Variants in MDGA2 observed in about 807,000 individuals in gnomAD.
MDGA2 encodes the protein MAM domain-containing glycosylphosphatidylinositol anchor protein 2.
MDGA2 carries 40 observed loss-of-function variants against 117.8 expected under a neutral mutation model. The ratio of observed to expected loss-of-function variants is 0.34; its 90% CI spans 0.26 to 0.44. MDGA2 has a LOEUF of 0.44. Among genes scored for constraint, MDGA2 ranks in the 20% least tolerant of loss-of-function variants. The pLI is 1.00. For missense variants in MDGA2, 1,123 were observed against 1,250.6 expected, an observed-to-expected ratio of 0.90 and a Z score of 1.54; for synonymous variants, 452 against 439.0, an observed-to-expected ratio of 1.03 and a Z score of -0.37.
intron 6 of MDGA2, among the ~76,000 whole-genome samples, chr14:47,083,124 T>C (rs1594601734): frequency 1.3e-5 from 2 of 151,672 alleles, no homozygotes; most frequent in East Asian, 3.9e-4. Flanking sequence ...ATTAAATTAA[T>C]GAAAGAGACA....
intron 1 of MDGA2, among the ~76,000 whole-genome samples, chr14:47,665,164 C>A (rs1594970937): frequency 1.5e-5 from 2 of 136,614 alleles, no homozygotes; most frequent in African/African-American, 5.6e-5. Context: ...CCTTCTTTAT[C>A]TATATTATGC....
intron 2 of MDGA2, among the ~76,000 whole-genome samples, chr14:47,268,401 A>G (rs1888036458): frequency 6.6e-6 from 1 of 152,132 alleles, no homozygotes; most frequent in Admixed American, 6.6e-5. Flanking sequence ...ATACAGGCAA[A>G]TTCATTATAA....
chr14:47,357,208 G>T lies in MDGA2; in HGVS notation c.281-55658C>A, dbSNP rs866398902. Among the ~76,000 whole-genome samples, 4 of 152,236 alleles carry T rather than the reference G, an allele frequency of 2.6e-5. No homozygotes were observed. In the South Asian group the frequency reaches 8.3e-4, roughly 32 times the overall value. ...CCTACAGGGGCTCATCTGGATAATA[G>T]TCCATAACGAAACCAACCACTATAA... On this transcript the variant is annotated intron_variant, in intron 1 of 16. Transcript: ENST00000399232.
At chr14:47,186,275 T>A (rs890657151) in intron 3 of MDGA2, among the ~76,000 whole-genome samples, 1 of 151,750 alleles carries the variant, frequency 6.6e-6, no homozygotes, top group East Asian at 1.9e-4. Context: ...ATGCAATGAT[T>A]ACATAAAGAT....
In MDGA2 at chr14:47,649,685, A is replaced by AAAAACAAAAC. The variant is rs56177749; in HGVS notation, c.280+24822_280+24831dup. Among the ~76,000 whole-genome samples, 1,132 of 150,380 alleles carry AAAAACAAAAC rather than the reference A, an allele frequency of 7.5e-3. 11 individuals are homozygous for AAAAACAAAAC. The highest frequency in any genetic ancestry group is 0.023 in the African/African-American group (954 of 40,804). On this transcript the variant is annotated intron_variant, in intron 1 of 16. Transcript: ENST00000399232. ...GGGCAACAGAGTGAGGCTTCATCTC[A>AAAAACAAAAC]AAAACAAAACAAAACAAAACAAAAC...
At chr14:46,973,216 C>A (rs1313084178) in intron 8 of MDGA2, among the ~76,000 whole-genome samples, 3 of 152,028 alleles carry the variant, frequency 2.0e-5, no homozygotes. Context: ...CAGTTTCTTA[C>A]AAAAGTATAC....
intron 3 of MDGA2, among the ~76,000 whole-genome samples, chr14:47,212,528 T>A (rs938247610): frequency 6.6e-6 from 1 of 152,172 alleles, no homozygotes; most frequent in Non-Finnish European, 1.5e-5. Context: ...TTCTAATGCA[T>A]CTCCTCTTAA....
intron 3 of MDGA2, among the ~76,000 whole-genome samples, chr14:47,189,009 C>G (rs1885012434): frequency 6.6e-6 from 1 of 152,154 alleles, no homozygotes; most frequent in Admixed American, 6.6e-5. Context: ...GTATAATACT[C>G]TAAGCAGTCC....
intron 1 of MDGA2, among the ~76,000 whole-genome samples, chr14:47,531,703 G>T (rs1895105558): frequency 6.6e-6 from 1 of 152,130 alleles, no homozygotes; most frequent in Non-Finnish European, 1.5e-5. Flanking sequence ...TTAAACCCAA[G>T]ACATGTTGAT....
At chr14:47,116,595 G>C (rs181422995) in intron 5 of MDGA2, among the ~76,000 whole-genome samples, 1 of 151,958 alleles carries the variant, frequency 6.6e-6, no homozygotes, top group Admixed American at 6.5e-5. Flanking sequence ...AGAGAGCCCA[G>C]AAACAAATCC....
chr14:47,656,769 C>G (rs922132262), intron 1 of MDGA2, among the ~76,000 whole-genome samples: 7 of 152,076 alleles, frequency 4.6e-5, no homozygotes, highest in African/African-American at 1.7e-4. Context: ...TTTAAAAAGG[C>G]CACAACAATT....
rs928843205 is a variant in MDGA2 at position 47,168,342 on chromosome 14, T to A, written c.596-24068A>T. Among the ~76,000 whole-genome samples the A allele has an allele frequency of 3.3e-5, 5 of 151,132 alleles. 1 individual carries two copies. Among genetic ancestry groups the A allele is most frequent in the Admixed American group, 6.6e-5 (1 of 15,198 alleles). ...TGACCACAATTAAATGTCAGTTTAATTTTGTTTTCAATAACATCTATATTC... is the reference window on the plus strand; with the variant it reads ...TGACCACAATTAAATGTCAGTTTAAATTTGTTTTCAATAACATCTATATTC... On this transcript the variant is annotated intron_variant, in intron 3 of 16. Coordinates refer to ENST00000399232, the MANE Select transcript of MDGA2 (RefSeq NM_001113498.3).
At chr14:47,502,120 TA>T (rs1894411646) in intron 1 of MDGA2, among the ~76,000 whole-genome samples, 1 of 152,086 alleles carries the variant, frequency 6.6e-6, no homozygotes, top group Admixed American at 6.5e-5. Context: ...TTGAAAGGTT[TA>T]AAAAAAGACA....
At chr14:47,495,336 T>C (rs1894259143) in intron 1 of MDGA2, among the ~76,000 whole-genome samples, 1 of 152,102 alleles carries the variant, frequency 6.6e-6, no homozygotes, top group Non-Finnish European at 1.5e-5. Flanking sequence ...TGTACACTAT[T>C]TGTGTGAAGT....
At chr14:47,536,490 T>A (rs1314010653) in intron 1 of MDGA2, among the ~76,000 whole-genome samples, 1 of 152,344 alleles carries the variant, frequency 6.6e-6, no homozygotes, top group South Asian at 2.1e-4. Context: ...TCCAAGCATT[T>A]TGTCACTTAA....
intron 14 of MDGA2, among the ~76,000 whole-genome samples, chr14:46,869,622 C>T (rs1004100411): frequency 2.6e-5 from 4 of 151,818 alleles, no homozygotes; most frequent in Non-Finnish European, 2.9e-5. Flanking sequence ...AACCTAGGTC[C>T]TAGCATGAAC....
chr14:47,228,943 C>T (rs1270528801), intron 2 of MDGA2, among the ~76,000 whole-genome samples: 2 of 152,014 alleles, frequency 1.3e-5, no homozygotes, highest in African/African-American at 4.8e-5. Context: ...CCCAATATAT[C>T]AAAATTCCAG....
intron 1 of MDGA2, among the ~76,000 whole-genome samples, chr14:47,672,566 C>T (rs930932791): frequency 6.6e-6 from 1 of 152,166 alleles, no homozygotes; most frequent in Non-Finnish European, 1.5e-5. Context: ...CCACTGTCTC[C>T]CCACGTCCCC....
At chr14:47,383,983 T>TGATAGATAGATAGATAGATAGATAGATA (rs11439713) in intron 1 of MDGA2, among the ~76,000 whole-genome samples, 3 of 141,674 alleles carry the variant, frequency 2.1e-5, no homozygotes, top group Admixed American at 7.4e-5. Flanking sequence ...AATAGATAGA[T>TGATAGATAGATAGATAGATAGATAGATA]GATAGATAGA....
Sources: gnomAD v4.1 joint callset for allele counts (sites outside exome capture counted in the v4.1 genomes callset) on GRCh38, gnomAD v4.1.1 for gene constraint, MANE v1.5 for transcripts, NCBI Gene and HGNC (gene_info 2026-07-23, HGNC 2026-07-21) for gene names.